The following MFSD6 variants were observed in gnomAD, a reference collection of about 807,000 sequenced individuals.
MFSD6 encodes the protein major facilitator superfamily domain-containing protein 6.
Under a neutral mutation model 56.3 loss-of-function variants are expected in MFSD6, and 26 were observed. That is an observed-to-expected ratio of 0.46 (90% confidence interval 0.34 to 0.64). MFSD6 has a LOEUF of 0.64. MFSD6 is among the 30% of genes least tolerant of loss of function. MFSD6 has a pLI of 0.01. For synonymous variants in MFSD6, 331 were observed against 366.9 expected, an observed-to-expected ratio of 0.90 and a Z score of 1.12; for missense variants, 750 against 986.2, an observed-to-expected ratio of 0.76 and a Z score of 3.21.
rs544591315 is a variant in MFSD6, at chr2:190,482,903, T to TG, written c.1631-5754_1631-5753insG. ...TTTTTTTTTTTTTTTTTTTTTTTTT[T>TG]AGACGGAGTCTCACTCTGTCGCCCA... On this transcript the variant is annotated intron_variant, in intron 4 of 7. Transcript: ENST00000392328. Among the ~76,000 whole-genome samples, 332 of 86,182 alleles carry TG rather than the reference T, an allele frequency of 3.9e-3. 100 individuals carry two copies. Among genetic ancestry groups the TG allele is most frequent in the Non-Finnish European group, 5.3e-3 (248 of 46,454 alleles). The allele number at this position is 86,182 out of a possible 152,430, so 56.5% of individuals were successfully genotyped here. A position where few individuals can be genotyped will look rare whatever the true frequency, so the allele number is the denominator to read the frequency against.
chr2:190,477,317 A>C (rs1429406457), intron 4 of MFSD6: 1 of 984,816 alleles, frequency 1.0e-6, no homozygotes, highest in Non-Finnish European at 1.2e-6. Flanking sequence ...TTCTATCCTG[A>C]CCTGGCTTAA....
chr2:190,411,935 C>T (rs1006476146), intron 1 of MFSD6: 2 of 985,198 alleles, frequency 2.0e-6, no homozygotes, highest in African/African-American at 3.5e-5. Context: ...CATGATTGTT[C>T]TGTACAGAAC....
In MFSD6 at chr2:190,500,181, A is replaced by G. The variant is rs371595306; in HGVS notation, c.2339A>G (p.Glu780Gly). Residue 780 changes from glutamate to glycine, a missense_variant, in exon 8 of 8, where the codon GAA becomes GGA. This residue lies in a region of MFSD6 where 172 missense variants were observed against 203.9 expected (regional missense o/e 0.84). Transcript: ENST00000392328. This position sits in a 1 kb window ranked among gnomAD's most constrained non-coding sequence, Gnocchi z 5.3. ...GTGGACCCGTGCACAGAGGAGAGTGAAGAGCAGCAGGCTCAGCTGGCCGCG... is the reference window on the plus strand; with the variant it reads ...GTGGACCCGTGCACAGAGGAGAGTGGAGAGCAGCAGGCTCAGCTGGCCGCG... ...PSVDPCTEESEEQQAQLAAGG... is the reference protein window; with the variant it reads ...PSVDPCTEESGEQQAQLAAGG... 1.9e-5 allele frequency: 30 copies of G among 1,614,142 alleles called. 2 individuals carry two copies. In the African/African-American group the frequency reaches 2.5e-4, roughly 14 times the overall value.
At position 190,434,447 on chromosome 2, in the gene MFSD6, ATTTT is replaced by A. The variant is rs1445521931; in HGVS notation, c.-53-1526_-53-1523del. Among the ~76,000 whole-genome samples, 3 of 151,966 alleles carry A rather than the reference ATTTT, an allele frequency of 2.0e-5. No homozygotes were observed. The highest frequency in any genetic ancestry group is 4.4e-5 in the Non-Finnish European group (3 of 67,976). ...TTTATTTATTTTATTTTATTTATTT[ATTTT>A]TTTGAGACGGAGTCTCGCTCTGTTG... is the stretch of plus-strand genomic sequence containing the variant. On this transcript the variant is annotated intron_variant, in intron 2 of 7. Transcript: ENST00000392328. The surrounding 1 kb of genome is among the most constrained non-coding windows in gnomAD (Gnocchi z 4.3).
At position 190,449,812 on chromosome 2, in the gene MFSD6, A is replaced by G. The variant is rs574274281; in HGVS notation, c.1532+12251A>G. Among the ~76,000 whole-genome samples the G allele has an allele frequency of 9.9e-5, 15 of 152,198 alleles. No homozygotes were observed. In the East Asian group the frequency reaches 2.9e-3, roughly 29 times the overall value. ...TCTCACTCATAGGTGGGAACTGAAC[A>G]ATGAGAACACATGGACACAGGGAGG... is the stretch of plus-strand genomic sequence containing the variant. On this transcript the variant is annotated intron_variant, in intron 3 of 7. Transcript: ENST00000392328.
intron 4 of MFSD6, chr2:190,477,345 A>G (rs1688394536): frequency 6.1e-6 from 6 of 984,202 alleles, no homozygotes; most frequent in Non-Finnish European, 6.0e-6. Flanking sequence ...ATTTATTGGT[A>G]TGCTACAGTG....
At position 190,499,689 on chromosome 2, in the gene MFSD6, T is replaced by G. The variant is rs1311908276; in HGVS notation, c.2173-326T>G. 7 of 885,820 alleles carry G rather than the reference T, an allele frequency of 7.9e-6. No homozygotes were observed. The East Asian group carries it at 3.4e-4, about 43-fold the overall frequency. 54.9% of individuals were successfully genotyped at this position (885,820 alleles called of 1,614,324 possible). A position where few individuals can be genotyped will look rare whatever the true frequency, so the allele number is the denominator to read the frequency against. ...ATTCCATAGTGCTTGCCCAGCGACTTGCCACATGGCTTGGGGGGCTCAGTA... is the reference window on the plus strand; with the variant it reads ...ATTCCATAGTGCTTGCCCAGCGACTGGCCACATGGCTTGGGGGGCTCAGTA... On this transcript the variant is annotated intron_variant, in intron 7 of 7. Transcript: ENST00000392328. This position sits in a 1 kb window ranked among gnomAD's most constrained non-coding sequence, Gnocchi z 6.0.
rs527773065 is a variant in MFSD6, at chr2:190,487,961, G to A, written c.1631-696G>A. Among the ~76,000 whole-genome samples, 1 of 152,204 alleles carries A rather than the reference G, an allele frequency of 6.6e-6. No individual in the cohort carries two copies. The highest frequency in any genetic ancestry group is 1.9e-4 in the East Asian group (1 of 5,170). ...CTGTTGCCAGGCTGGGGAGTGCAGT[G>A]GCGTGATCTTGGCTCACTGCAACCT... is the stretch of plus-strand genomic sequence containing the variant. On this transcript the variant is annotated intron_variant, in intron 4 of 7. Coordinates refer to ENST00000392328, the MANE Select transcript of MFSD6 (RefSeq NM_017694.4). This position sits in a 1 kb window ranked among gnomAD's most constrained non-coding sequence, Gnocchi z 5.5.
Position 190,490,235 on chromosome 2 carries a change from A to C in MFSD6, c.1891+369A>C, listed in dbSNP as rs1359742177. The stretch of plus-strand genomic sequence containing the variant: ...TACTAGGGATAGGGAGTGAGTGGTA[A>C]TCTTCTCTATGACTTACCTTCATTT... On this transcript the variant is annotated intron_variant, in intron 6 of 7. Transcript: ENST00000392328. The surrounding 1 kb of genome is among the most constrained non-coding windows in gnomAD (Gnocchi z 4.5). Among the ~76,000 whole-genome samples, 1 of 151,590 alleles carries C rather than the reference A, an allele frequency of 6.6e-6. No individual in the cohort carries two copies. Among genetic ancestry groups the C allele is most frequent in the Non-Finnish European group, 1.5e-5 (1 of 67,918 alleles).
chr2:190,447,271 T>C lies in MFSD6; in HGVS notation c.1532+9710T>C, dbSNP rs1465867116. ...ATTTTGTTTTGTTTTGTTTTGCTTT[T>C]AGCCAAAAGGACAGCTGGCAATGTT... is the stretch of plus-strand genomic sequence containing the variant. On this transcript the variant is annotated intron_variant, in intron 3 of 7. Transcript: ENST00000392328. The surrounding 1 kb of genome is among the most constrained non-coding windows in gnomAD (Gnocchi z 4.5). Among the ~76,000 whole-genome samples, 1 of 152,226 alleles carries C rather than the reference T, an allele frequency of 6.6e-6. No homozygotes were observed. The highest frequency in any genetic ancestry group is 1.5e-5 in the Non-Finnish European group (1 of 68,040).
At position 190,494,530 on chromosome 2, in the gene MFSD6, G is replaced by A. The variant is rs1689553205; in HGVS notation, c.1892-2909G>A. 6.6e-6 allele frequency among the ~76,000 whole-genome samples: 1 copy of A among 152,010 alleles called. No homozygotes were observed. ...CAGTATCACCCTAATAACAAAACCAGGAAAGGACATAACAAAAAAAGAAAA... is the reference window on the plus strand; with the variant it reads ...CAGTATCACCCTAATAACAAAACCAAGAAAGGACATAACAAAAAAAGAAAA... On this transcript the variant is annotated intron_variant, in intron 6 of 7. Coordinates refer to ENST00000392328, the MANE Select transcript of MFSD6 (RefSeq NM_017694.4). This position sits in a 1 kb window ranked among gnomAD's most constrained non-coding sequence, Gnocchi z 5.7.
intron 3 of MFSD6, among the ~76,000 whole-genome samples, chr2:190,450,277 T>C (rs1057158990): frequency 6.6e-6 from 1 of 152,060 alleles, no homozygotes; most frequent in African/African-American, 2.4e-5. Flanking sequence ...TTTTGAAGGA[T>C]AGTCTGGAAG....
At position 190,483,761 on chromosome 2, in the gene MFSD6, G is replaced by A. The variant is rs371329277; in HGVS notation, c.1631-4896G>A. ...GAGGCAGGAGAATTGCTTGAACCCA[G>A]GAGGCAGAGGATGCGGTGAGCCGAG... On this transcript the variant is annotated intron_variant, in intron 4 of 7. Coordinates refer to ENST00000392328, the MANE Select transcript of MFSD6 (RefSeq NM_017694.4). Among the ~76,000 whole-genome samples, 12 of 150,736 alleles carry A rather than the reference G, an allele frequency of 8.0e-5. 2 individuals are homozygous for A. Among genetic ancestry groups the A allele is most frequent in the African/African-American group, 2.7e-4 (11 of 40,894 alleles).
In MFSD6 at chr2:190,410,985, G is replaced by C. The variant is rs1690536655; in HGVS notation, c.-176+2482G>C. On this transcript the variant is annotated intron_variant, in intron 1 of 7. Coordinates refer to ENST00000392328, the MANE Select transcript of MFSD6 (RefSeq NM_017694.4). This position sits in a 1 kb window ranked among gnomAD's most constrained non-coding sequence, Gnocchi z 4.4. The stretch of plus-strand genomic sequence containing the variant: ...GTAGAGAATTGCTTGAATCCGGGAG[G>C]TGGAGGTTGCAGTGAGCCGAGATCG... 4.1e-6 allele frequency: 1 copy of C among 242,612 alleles called. No homozygotes were observed. Among genetic ancestry groups the C allele is most frequent in the Non-Finnish European group, 6.6e-6 (1 of 151,462 alleles). 15.0% of individuals were successfully genotyped at this position (242,612 alleles called of 1,614,324 possible).
chr2:190,413,461 T>C lies in MFSD6; in HGVS notation c.-175-1831T>C, dbSNP rs983047320. On this transcript the variant is annotated intron_variant, in intron 1 of 7. Transcript: ENST00000392328. This position sits in a 1 kb window ranked among gnomAD's most constrained non-coding sequence, Gnocchi z 4.1. ...ACCAATTCAGGAAACATTTGGCAAG[T>C]ACAAAACAGGAAAGGCCAGCTCTGA... Among the ~76,000 whole-genome samples the C allele has an allele frequency of 3.3e-5, 5 of 152,082 alleles. No individual in the cohort carries two copies. Among genetic ancestry groups the C allele is most frequent in the African/African-American group, 1.2e-4 (5 of 41,402 alleles).
At chr2:190,482,903 T>TTTTTTTTGTTTTTTG (rs544591315) in intron 4 of MFSD6, among the ~76,000 whole-genome samples, 1 of 86,228 alleles carries the variant, frequency 1.2e-5, no homozygotes, top group Non-Finnish European at 2.2e-5. Flanking sequence ...TTTTTTTTTT[T>TTTTTTTTGTTTTTTG]AGACGGAGTC....
Position 190,436,618 on chromosome 2 carries a change from G to C in MFSD6, c.589G>C (p.Glu197Gln). The C allele has an allele frequency of 6.2e-7, 1 of 1,614,180 alleles. No individual in the cohort carries two copies. Among genetic ancestry groups the C allele is most frequent in the South Asian group, 1.1e-5 (1 of 91,074 alleles). The change falls in exon 3 of 8, where the codon GAG (glutamate) becomes CAG (glutamine). Residue 197 changes from glutamate to glutamine, a missense_variant. Physicochemically the swap from Glu to Gln is conservative, Grantham distance 29. Around this residue, in one of 5 missense-constraint regions of MFSD6, gnomAD observed 376 missense variants for 437.9 expected, o/e 0.86. Transcript: ENST00000392328. The surrounding 1 kb of genome is among the most constrained non-coding windows in gnomAD (Gnocchi z 5.3). ...CCTCACCATATCACCAAAAATGCGT[G>C]AGAAAAGAAACCTTTTGGAAACAAG... ...SFLTISPKMR[E>Q]KRNLLETRLN...
rs992501987 is a variant in MFSD6, at chr2:190,444,807, A to C, written c.1532+7246A>C. Reference sequence around the variant, plus strand: ...GGGTGCTAAAACCATCCTCCATTTCATTCAGAAACAAGTGTTTCATAAAGA... The same window carrying C: ...GGGTGCTAAAACCATCCTCCATTTCCTTCAGAAACAAGTGTTTCATAAAGA... On this transcript the variant is annotated intron_variant, in intron 3 of 7. Transcript: ENST00000392328. The C allele has an allele frequency of 8.5e-6, 5 of 586,850 alleles. No individual in the cohort carries two copies. In the African/African-American group the frequency reaches 1.0e-4, roughly 12 times the overall value. The allele number at this position is 586,850 out of a possible 1,614,324, so 36.4% of individuals were successfully genotyped here. A position where few individuals can be genotyped will look rare whatever the true frequency, so the allele number is the denominator to read the frequency against.
In MFSD6 at chr2:190,415,903, G is replaced by A. The variant is rs574886223; in HGVS notation, c.-54+490G>A. ...ATTTCTGTTTAAACTGCCTTGTCTC[G>A]TGTATAGATTGTGCTTTATTTAACC... On this transcript the variant is annotated intron_variant, in intron 2 of 7. Transcript: ENST00000392328. This position sits in a 1 kb window ranked among gnomAD's most constrained non-coding sequence, Gnocchi z 4.5. 1.3e-5 allele frequency among the ~76,000 whole-genome samples: 2 copies of A among 152,260 alleles called. No homozygotes were observed. The highest frequency in any genetic ancestry group is 4.8e-5 in the African/African-American group (2 of 41,548).
Sources: allele counts gnomAD v4.1 joint callset (sites outside exome capture counted in the v4.1 genomes callset), GRCh38; gene constraint gnomAD v4.1.1; regional missense constraint gnomAD v4.1.1; non-coding constraint Gnocchi (gnomAD v3.1); transcripts MANE v1.5; gene names NCBI Gene and HGNC (gene_info 2026-07-23, HGNC 2026-07-21).